PPP1R12B: variants seen among roughly 807,000 people sequenced by gnomAD.
PPP1R12B encodes the protein protein phosphatase 1 regulatory subunit 12B.
PPP1R12B carries 76 observed loss-of-function variants against 126.1 expected under a neutral mutation model. That is an observed-to-expected ratio of 0.60 (90% CI 0.50 to 0.73). The LOEUF (loss-of-function observed/expected upper bound fraction) is 0.73, where lower values mean the gene tolerates loss of function less well. Among genes scored for constraint, PPP1R12B ranks in the 30% least tolerant of loss-of-function variants. The pLI is 0.00. For missense variants in PPP1R12B, 1,052 were observed against 1,205.1 expected, an observed-to-expected ratio of 0.87 and a Z score of 1.88; for synonymous variants, 356 against 434.7, an observed-to-expected ratio of 0.82 and a Z score of 2.25.
At chr1:202,574,960 C>T in intron 23 of PPP1R12B, 1 of 1,531,512 alleles carries the variant, frequency 6.5e-7, no homozygotes, top group Non-Finnish European at 9.0e-7. Context: ...TTGTCTCTCT[C>T]TGTCTTTTCT....
intron 12 of PPP1R12B, among the ~76,000 whole-genome samples, chr1:202,447,551 C>G (rs1168657797): frequency 1.3e-5 from 2 of 152,146 alleles, no homozygotes; most frequent in Non-Finnish European, 2.9e-5. Flanking sequence ...GTTTCCAAAG[C>G]CCATATTTAT....
chr1:202,550,663 G>T (rs1409595396), intron 18 of PPP1R12B, among the ~76,000 whole-genome samples: 2 of 152,116 alleles, frequency 1.3e-5, no homozygotes, highest in Non-Finnish European at 2.9e-5. Context: ...AGTAAATATA[G>T]ATATTAAATG....
chr1:202,507,176 A>G (rs1680902454), intron 18 of PPP1R12B, among the ~76,000 whole-genome samples: 1 of 152,188 alleles, frequency 6.6e-6, no homozygotes, highest in Non-Finnish European at 1.5e-5. Context: ...TTTATCCCTG[A>G]CAGCAATGCC....
chr1:202,562,828 G>C lies in PPP1R12B; in HGVS notation c.2558G>C (p.Arg853Pro). 1 of 1,613,252 alleles carries C rather than the reference G, an allele frequency of 6.2e-7. No individual in the cohort carries two copies. Among genetic ancestry groups the C allele is most frequent in the Non-Finnish European group, 8.5e-7 (1 of 1,179,540 alleles). ...NPTTSDSYGDRASARARREAR... is the reference protein window; with the variant it reads ...NPTTSDSYGDPASARARREAR... ...ACAACCAGTGATTCTTACGGTGACC[G>C]GGCTTCAGCAAGAGCCCGTCGGGAG... Residue 853 changes from arginine (R) to proline (P), a missense_variant, in exon 20 of 24, where the codon CGG (arginine) becomes CCG (proline). Transcript: ENST00000608999.
At chr1:202,496,734 T>A (rs1679600699) in intron 17 of PPP1R12B, 47 bp from the exon 18 acceptor site, 1 of 1,549,622 alleles carries the variant, frequency 6.5e-7, no homozygotes, top group South Asian at 1.1e-5. Flanking sequence ...CTTTCAAGGA[T>A]GTCTGTGACA....
At chr1:202,474,007 G>A (rs573815271) in intron 13 of PPP1R12B, 3 of 520,278 alleles carry the variant, frequency 5.8e-6, no homozygotes, top group Non-Finnish European at 1.2e-5. Flanking sequence ...GGGAAAGTAG[G>A]GTGGTACAGG....
chr1:202,509,368 G>C (rs1681173326), intron 18 of PPP1R12B, among the ~76,000 whole-genome samples: 1 of 152,140 alleles, frequency 6.6e-6, no homozygotes, highest in Non-Finnish European at 1.5e-5. Flanking sequence ...TTGCTTCCAT[G>C]TCATTTTAAA....
intron 18 of PPP1R12B, among the ~76,000 whole-genome samples, chr1:202,556,107 C>T (rs1261553500): frequency 6.6e-6 from 1 of 152,116 alleles, no homozygotes; most frequent in Non-Finnish European, 1.5e-5. Flanking sequence ...AACTCCTGAC[C>T]TCAAGTGATC....
chr1:202,559,081 A>C (rs1687257369), intron 19 of PPP1R12B, among the ~76,000 whole-genome samples, 188 bp downstream of exon 19: 1 of 152,230 alleles, frequency 6.6e-6, no homozygotes, highest in East Asian at 1.9e-4. Flanking sequence ...CAAGCTTTTC[A>C]ATTTACCTTC....
intron 1 of PPP1R12B, among the ~76,000 whole-genome samples, chr1:202,416,498 C>A (rs1373338069): frequency 1.4e-5 from 2 of 146,446 alleles, no homozygotes; most frequent in Non-Finnish European, 3.0e-5. Context: ...TGCACTCCAG[C>A]CTGGGCAAAA....
At chr1:202,482,650 C>T (rs1558283908) in intron 13 of PPP1R12B, among the ~76,000 whole-genome samples, 2 of 152,136 alleles carry the variant, frequency 1.3e-5, no homozygotes, top group African/African-American at 4.8e-5. Context: ...AACTCCTTGT[C>T]AGATGTATAG....
chr1:202,355,041 G>C (rs959514946), intron 1 of PPP1R12B, among the ~76,000 whole-genome samples: 3 of 151,718 alleles, frequency 2.0e-5, no homozygotes, highest in African/African-American at 4.8e-5. Context: ...GGTGGATCAC[G>C]AGGTCAGGAG....
At chr1:202,393,185 T>C (rs1241685238) in intron 1 of PPP1R12B, among the ~76,000 whole-genome samples, 7 of 152,126 alleles carry the variant, frequency 4.6e-5, no homozygotes, top group Non-Finnish European at 7.4e-5. Flanking sequence ...TGACCTCAAG[T>C]GATCTACCTA....
intron 12 of PPP1R12B, among the ~76,000 whole-genome samples, chr1:202,444,065 G>T (rs916600633): frequency 2.6e-5 from 4 of 152,068 alleles, no homozygotes; most frequent in African/African-American, 9.7e-5. Context: ...AACCTCTTAT[G>T]GTCTTTTTAA....
Position 202,495,205 on chromosome 1 carries a change from A to G in PPP1R12B, c.2146-88A>G, listed in dbSNP as rs1160420606. 5.6e-6 allele frequency: 7 copies of G among 1,245,408 alleles called. No individual in the cohort carries two copies. The African/African-American group carries it at 6.0e-5, about 11-fold the overall frequency. The allele number at this position is 1,245,408 out of a possible 1,614,324, so 77.1% of individuals were successfully genotyped here. A position where few individuals can be genotyped will look rare whatever the true frequency, so the allele number is the denominator to read the frequency against. ...ATCATCTACTCATAAGCCCCTTAAT[A>G]TAGAAAAAAACATTTTGTATAAACC... On this transcript the variant is annotated intron_variant, in intron 15 of 23. Transcript: ENST00000608999.
At chr1:202,365,770 T>G (rs1001316087) in intron 1 of PPP1R12B, among the ~76,000 whole-genome samples, 6 of 152,078 alleles carry the variant, frequency 3.9e-5, no homozygotes, top group African/African-American at 1.4e-4. Flanking sequence ...TTTGGGAGGC[T>G]GAGGTGGGCG....
chr1:202,514,659 C>T (rs1681905708), intron 18 of PPP1R12B, among the ~76,000 whole-genome samples: 1 of 152,124 alleles, frequency 6.6e-6, no homozygotes, highest in Non-Finnish European at 1.5e-5. Flanking sequence ...GCCAGTTATC[C>T]CAGCACCATT....
At chr1:202,362,653 G>T (rs1464434997) in intron 1 of PPP1R12B, among the ~76,000 whole-genome samples, 8 of 144,756 alleles carry the variant, frequency 5.5e-5, no homozygotes, top group South Asian at 2.2e-4. Context: ...AAGGCCCAGG[G>T]TTTTTGTTTT....
At chr1:202,386,929 G>C (rs1663243594) in intron 1 of PPP1R12B, among the ~76,000 whole-genome samples, 1 of 152,168 alleles carries the variant, frequency 6.6e-6, no homozygotes, top group Non-Finnish European at 1.5e-5. Context: ...CTTTTACAGA[G>C]AGGAATGGAG....
Sources: allele counts gnomAD v4.1 joint callset (sites outside exome capture counted in the v4.1 genomes callset), GRCh38; gene constraint gnomAD v4.1.1; transcripts MANE v1.5; gene names NCBI Gene and HGNC (gene_info 2026-07-23, HGNC 2026-07-21).